SLC6A9: variants seen among roughly 807,000 people sequenced by gnomAD.
The protein encoded by SLC6A9 is sodium- and chloride-dependent glycine transporter 1.
In SLC6A9, 31 loss-of-function variants were observed where a neutral mutation model predicts 70.9. The ratio of observed to expected loss-of-function variants is 0.44; its 90% CI spans 0.33 to 0.59. The LOEUF (loss-of-function observed/expected upper bound fraction) is 0.59. Among genes scored for constraint, SLC6A9 ranks in the 20% least tolerant of loss-of-function variants. The pLI, the probability that SLC6A9 is intolerant of heterozygous loss-of-function variation, is 0.04. For missense variants in SLC6A9, 631 were observed against 845.2 expected, an observed-to-expected ratio of 0.75 and a Z score of 3.14; for synonymous variants, 310 against 341.3, an observed-to-expected ratio of 0.91 and a Z score of 1.01.
intron 1 of SLC6A9, among the ~76,000 whole-genome samples, chr1:44,030,137 C>T (rs1557699694): frequency 6.6e-6 from 1 of 152,102 alleles, no homozygotes; most frequent in African/African-American, 2.4e-5. Context: ...GCGCGGAGGC[C>T]TCCGGCCGGC....
At position 44,018,921 on chromosome 1, in the gene SLC6A9, C is replaced by T. The variant is rs151094864; in HGVS notation, c.30+5327G>A. ...CTCCAAACTGGGTGACAAAGTGAGA[C>T]CTTGTTTCAAAAAATTAATAAAAAA... is the stretch of plus-strand genomic sequence containing the variant. On this transcript the variant is annotated intron_variant, in intron 2 of 13. Transcript: ENST00000372310. The surrounding 1 kb of genome is among the most constrained non-coding windows in gnomAD (Gnocchi z 4.2). Among the ~76,000 whole-genome samples the T allele has an allele frequency of 3.1e-4, 47 of 152,102 alleles. No homozygotes were observed. The highest frequency in any genetic ancestry group is 1.1e-3 in the African/African-American group (46 of 41,506).
chr1:44,022,842 A>AT (rs1411236784), intron 2 of SLC6A9, among the ~76,000 whole-genome samples: 1 of 149,704 alleles, frequency 6.7e-6, no homozygotes, highest in East Asian at 2.0e-4. Flanking sequence ...AGTAGCTGGG[A>AT]TTACAGGTGC....
intron 5 of SLC6A9, among the ~76,000 whole-genome samples, chr1:44,005,273 C>G (rs1387340003): frequency 6.6e-6 from 1 of 152,110 alleles, no homozygotes; most frequent in Non-Finnish European, 1.5e-5. Flanking sequence ...AGGTATCAGA[C>G]CAGCACAGGG....
In SLC6A9 at chr1:43,996,885, C is replaced by T. The variant is rs201326701; in HGVS notation, c.*660G>A. ...ATGCTTTGGGCAGGCTGCTGGGTCA[C>T]GGGCCCCTGCTGGCTGGGCCTGACA... On this transcript the variant is annotated 3_prime_UTR_variant, in exon 14 of 14. Transcript: ENST00000372310. 3 of 152,918 alleles carry T rather than the reference C, an allele frequency of 2.0e-5. No homozygotes were observed. The highest frequency in any genetic ancestry group is 2.1e-4 in the South Asian group (1 of 4,840). The allele number at this position is 152,918 out of a possible 1,614,324, so 9.5% of individuals were successfully genotyped here. A position where few individuals can be genotyped will look rare whatever the true frequency, so the allele number is the denominator to read the frequency against.
At position 44,002,792 on chromosome 1, in the gene SLC6A9, C is replaced by T; in HGVS notation, c.723+61G>A. The T allele has an allele frequency of 6.2e-7, 1 of 1,605,806 alleles. No homozygotes were observed. Among genetic ancestry groups the T allele is most frequent in the Non-Finnish European group, 8.5e-7 (1 of 1,173,510 alleles). On this transcript the variant is annotated intron_variant, in intron 6 of 13. Transcript: ENST00000372310. The surrounding 1 kb of genome is among the most constrained non-coding windows in gnomAD (Gnocchi z 5.5). ...TCCCCTCCCTGCAATACACACATAACCCAGGTAGGGGGCAGGGTCTTTCTG... is the reference window on the plus strand; with the variant it reads ...TCCCCTCCCTGCAATACACACATAATCCAGGTAGGGGGCAGGGTCTTTCTG...
chr1:43,998,177 G>T, intron 12 of SLC6A9, 152 bp from the exon 13 acceptor site: 1 of 736,342 alleles, frequency 1.4e-6, no homozygotes, highest in Non-Finnish European at 2.2e-6. Flanking sequence ...TCTGGGCCGT[G>T]GAAGAAGCAG....
chr1:44,011,126 C>T (rs1268979774), intron 2 of SLC6A9, among the ~76,000 whole-genome samples: 1 of 152,234 alleles, frequency 6.6e-6, no homozygotes, highest in Non-Finnish European at 1.5e-5. Context: ...GCACAGCCCA[C>T]CTGAGGAGCT....
chr1:44,016,875 C>T (rs944131846), intron 2 of SLC6A9, among the ~76,000 whole-genome samples: 12 of 152,294 alleles, frequency 7.9e-5, no homozygotes, highest in Admixed American at 3.3e-4. Context: ...TTCCTACACT[C>T]CTTTGCACAG....
At position 44,014,036 on chromosome 1, in the gene SLC6A9, G is replaced by A. The variant is rs1325740904; in HGVS notation, c.31-3154C>T. Among the ~76,000 whole-genome samples, 6 of 152,184 alleles carry A rather than the reference G, an allele frequency of 3.9e-5. No homozygotes were observed. In the East Asian group the frequency reaches 7.7e-4, roughly 20 times the overall value. On this transcript the variant is annotated intron_variant, in intron 2 of 13. Transcript: ENST00000372310. ...CACGGAAAAATCCCTTTGTGCTCAC[G>A]ATTTGACTCAGACTGGCTGCCCGTC...
At chr1:44,006,231 A>G (rs1337194955) in intron 5 of SLC6A9, among the ~76,000 whole-genome samples, 2 of 152,186 alleles carry the variant, frequency 1.3e-5, no homozygotes, top group Non-Finnish European at 2.9e-5. Flanking sequence ...CAGCTCCGTG[A>G]GGACAATGTC....
chr1:44,002,458 C>T lies in SLC6A9; in HGVS notation c.859-42G>A. 1 of 1,612,714 alleles carries T rather than the reference C, an allele frequency of 6.2e-7. No homozygotes were observed. On this transcript the variant is annotated intron_variant, in intron 7 of 13. Coordinates refer to ENST00000372310, the MANE Select transcript of SLC6A9 (RefSeq NM_001024845.3). This position sits in a 1 kb window ranked among gnomAD's most constrained non-coding sequence, Gnocchi z 5.5. ...GTGGGTGAGGAGCTGTGGGCAGAGG[C>T]AGGCACCTCCCTGGCCCCTCCCCAG...
At chr1:43,999,768 A>G (rs2086021561) in intron 12 of SLC6A9, among the ~76,000 whole-genome samples, 1 of 152,146 alleles carries the variant, frequency 6.6e-6, no homozygotes, top group Admixed American at 6.5e-5. Flanking sequence ...CCCCTGTGCC[A>G]CCGAGGCATT....
At chr1:44,020,822 C>G (rs1209551369) in intron 2 of SLC6A9, among the ~76,000 whole-genome samples, 1 of 152,194 alleles carries the variant, frequency 6.6e-6, no homozygotes, top group Non-Finnish European at 1.5e-5. Flanking sequence ...GGTGGGGCAG[C>G]CCCTGGCGGC....
In SLC6A9 at chr1:44,002,705, C is replaced by G; in HGVS notation, c.724-59G>C. 2 of 1,606,168 alleles carry G rather than the reference C, an allele frequency of 1.2e-6. No individual in the cohort carries two copies. Among genetic ancestry groups the G allele is most frequent in the Non-Finnish European group, 1.7e-6 (2 of 1,173,476 alleles). On this transcript the variant is annotated intron_variant, in intron 6 of 13. Transcript: ENST00000372310. This position sits in a 1 kb window ranked among gnomAD's most constrained non-coding sequence, Gnocchi z 5.5. ...CTCTCCCCTCCCCTGGGCACCACCACCCTGGCTCCCTAATCACCACCAGCC... is the reference window on the plus strand; with the variant it reads ...CTCTCCCCTCCCCTGGGCACCACCAGCCTGGCTCCCTAATCACCACCAGCC...
intron 5 of SLC6A9, among the ~76,000 whole-genome samples, chr1:44,005,132 C>T (rs146493283): frequency 1.1e-3 from 164 of 152,324 alleles, no homozygotes; most frequent in African/African-American, 3.8e-3. Flanking sequence ...AGCTAATATG[C>T]GACAGAGCCA....
chr1:44,011,692 A>G, intron 2 of SLC6A9: 1 of 1,614,068 alleles, frequency 6.2e-7, no homozygotes, highest in Non-Finnish European at 8.5e-7. Flanking sequence ...GGTGGCAGGA[A>G]GAAGGATCTC....
intron 2 of SLC6A9, chr1:44,017,334 T>G (rs1028341499): frequency 7.9e-6 from 11 of 1,400,284 alleles, no homozygotes; most frequent in Non-Finnish European, 9.2e-6. Context: ...GGGTTTGTTG[T>G]GTTTTTCCCT....
chr1:44,002,172 T>C lies in SLC6A9; in HGVS notation c.962+141A>G. The C allele has an allele frequency of 1.5e-6, 1 of 661,224 alleles. No homozygotes were observed. Among genetic ancestry groups the C allele is most frequent in the Non-Finnish European group, 2.8e-6 (1 of 360,206 alleles). The allele number at this position is 661,224 out of a possible 1,614,324, so 41.0% of individuals were successfully genotyped here. A position where few individuals can be genotyped will look rare whatever the true frequency, so the allele number is the denominator to read the frequency against. On this transcript the variant is annotated intron_variant, in intron 8 of 13. Transcript: ENST00000372310. This position sits in a 1 kb window ranked among gnomAD's most constrained non-coding sequence, Gnocchi z 5.5. ...ACCTCTCTCCTCATTCTCCAACAACTTTATCCAGAACCAGTATTCCCAGAA... is the reference window on the plus strand; with the variant it reads ...ACCTCTCTCCTCATTCTCCAACAACCTTATCCAGAACCAGTATTCCCAGAA...
At chr1:44,009,817 T>G in intron 4 of SLC6A9, 148 bp downstream of exon 4, 1 of 931,822 alleles carries the variant, frequency 1.1e-6, no homozygotes, top group East Asian at 2.6e-5. Context: ...CATGCATCCA[T>G]GGCTTAGGCC....
Sources: gnomAD v4.1 joint callset for allele counts (sites outside exome capture counted in the v4.1 genomes callset) on GRCh38, gnomAD v4.1.1 for gene constraint, Gnocchi (gnomAD v3.1) non-coding constraint, MANE v1.5 for transcripts, NCBI Gene and HGNC (gene_info 2026-07-23, HGNC 2026-07-21) for gene names.